Variants in HMOX1 observed in about 807,000 individuals in gnomAD.
The protein encoded by HMOX1 is heat shock protein, 32-kD.
HMOX1 carries 22 observed loss-of-function variants against 27.8 expected under a neutral mutation model. The observed-to-expected ratio is 0.79, with a 90% CI of 0.57 to 1.13. The LOEUF is 1.13. HMOX1 is among the 50% of genes most tolerant of loss of function. The probability of loss-of-function intolerance (pLI) is 0.00; values close to 1 mark genes in which losing one functional copy is unlikely to be tolerated. For missense variants in HMOX1, 379 were observed against 377.7 expected (o/e 1.00, Z -0.03); for synonymous variants, 153 against 151.6 (o/e 1.01, Z -0.07).
intron 3 of HMOX1, among the ~76,000 whole-genome samples, chr22:35,389,516 C>T (rs1229221257): frequency 1.3e-5 from 2 of 150,508 alleles, no homozygotes; most frequent in East Asian, 3.9e-4. Flanking sequence ...GATCTTGGCT[C>T]ACTGCAACCT....
chr22:35,386,759 C>T lies in HMOX1; in HGVS notation c.219C>T (p.Val73=). 3 of 1,614,250 alleles carry T rather than the reference C, an allele frequency of 1.9e-6. No individual in the cohort carries two copies. Among genetic ancestry groups the T allele is most frequent in the Non-Finnish European group, 2.5e-6 (3 of 1,180,042 alleles). ...EEIERNKESP[V]FAPVYFPEEL... is the part of the protein sequence containing the mutation. ...TTGAGCGCAACAAGGAGAGCCCAGT[C>T]TTCGCCCCTGTCTACTTCCCAGAAG... The change falls in exon 3 of 5, where the codon GTC becomes GTT. Residue 73 remains valine, a synonymous_variant. Coordinates refer to ENST00000216117, the MANE Select transcript of HMOX1 (RefSeq NM_002133.3).
intron 4 of HMOX1, chr22:35,390,216 A>G (rs969620186): frequency 2.7e-5 from 14 of 523,590 alleles, no homozygotes; most frequent in African/African-American, 2.5e-4. Flanking sequence ...GCGAGCCACC[A>G]TGCCAGCCTG....
At position 35,386,701 on chromosome 22, in the gene HMOX1, T is replaced by C; in HGVS notation, c.161T>C (p.Leu54Pro). ...TGCTTTCAGCTGGTGATGGCCTCCCTGTACCACATCTATGTGGCCCTGGAG... is the reference window on the plus strand; with the variant it reads ...TGCTTTCAGCTGGTGATGGCCTCCCCGTACCACATCTATGTGGCCCTGGAG... The part of the protein sequence containing the change: ...RDGFKLVMAS[L>P]YHIYVALEEE... The change falls in exon 3 of 5, where the codon CTG becomes CCG. Residue 54 changes from leucine to proline, a missense_variant. Leu to Pro is a moderately conservative substitution (Grantham distance 98). Coordinates refer to ENST00000216117, the MANE Select transcript of HMOX1 (RefSeq NM_002133.3). 5 of 1,614,144 alleles carry C rather than the reference T, an allele frequency of 3.1e-6. No individual in the cohort carries two copies. Among genetic ancestry groups the C allele is most frequent in the African/African-American group, 2.7e-5 (2 of 75,052 alleles).
Position 35,387,164 on chromosome 22 carries a change from G to A in HMOX1, c.624G>A (p.Leu208=), listed in dbSNP as rs138757982. The change falls in exon 3 of 5, where the codon CTG becomes CTA. Residue 208 remains leucine (L), a synonymous_variant. Transcript: ENST00000216117. ...TAGAAGAGGCCAAGACTGCGTTCCT[G>A]CTCAACATCCAGGTGAGGGTCGGGC... The part of the protein sequence containing the change: ...RVIEEAKTAF[L]LNIQLFEELQ... The A allele has an allele frequency of 1.9e-6, 3 of 1,613,484 alleles. No homozygotes were observed. The highest frequency in any genetic ancestry group is 2.5e-6 in the Non-Finnish European group (3 of 1,180,040).
intron 1 of HMOX1, among the ~76,000 whole-genome samples, chr22:35,381,489 G>C (rs1219716534): frequency 2.6e-5 from 4 of 151,898 alleles, no homozygotes; most frequent in East Asian, 3.9e-4. Flanking sequence ...TCCTACTTTC[G>C]AGGTGTGTTT....
chr22:35,387,556 T>A (rs1931540529), intron 3 of HMOX1, among the ~76,000 whole-genome samples: 1 of 152,218 alleles, frequency 6.6e-6, no homozygotes. Flanking sequence ...AAGTTGTGTG[T>A]GCACTAGTGT....
At chr22:35,389,730 C>T (rs1165943138) in intron 3 of HMOX1, 134 bp from the exon 4 acceptor site, 7 of 720,148 alleles carry the variant, frequency 9.7e-6, no homozygotes, top group African/African-American at 1.7e-5. Flanking sequence ...GGCGCACCAC[C>T]GTGTCCGGCC....
rs566260020 is a variant in HMOX1 at position 35,393,753 on chromosome 22, G to A, written c.*155G>A. The A allele has an allele frequency of 1.1e-6, 1 of 927,934 alleles. No homozygotes were observed. Among genetic ancestry groups the A allele is most frequent in the East Asian group, 2.5e-5 (1 of 39,854 alleles). 57.5% of individuals were successfully genotyped at this position (927,934 alleles called of 1,614,324 possible). ...CTGTGTCCCTCTCTCTGGAAAGGAG[G>A]AAGGAGCCTATGGCATCTTCCCCAA... On this transcript the variant is annotated 3_prime_UTR_variant, in exon 5 of 5. Transcript: ENST00000216117.
chr22:35,390,011 G>C (rs1931673907), intron 4 of HMOX1, 48 bp downstream of exon 4: 1 of 1,157,532 alleles, frequency 8.6e-7, no homozygotes, highest in Middle Eastern at 2.7e-4. Context: ...CACATGGAGG[G>C]ACTTGGCTGT....
At chr22:35,392,235 AAAG>A (rs938515037) in intron 4 of HMOX1, among the ~76,000 whole-genome samples, 9 of 151,604 alleles carry the variant, frequency 5.9e-5, no homozygotes, top group South Asian at 2.1e-4. Flanking sequence ...AAAAAAAAAA[AAAG>A]AAAGAAAAGA....
At chr22:35,381,522 A>G (rs1931388169) in intron 1 of HMOX1, among the ~76,000 whole-genome samples, 1 of 151,522 alleles carries the variant, frequency 6.6e-6, no homozygotes. Context: ...TGCTGAATCT[A>G]GATCTCTGGG....
At chr22:35,383,338 C>A in intron 2 of HMOX1, 112 bp downstream of exon 2, 4 of 1,180,212 alleles carry the variant, frequency 3.4e-6, no homozygotes, top group Non-Finnish European at 4.9e-6. Context: ...TGGGCATGTC[C>A]AATAGAATCA....
chr22:35,391,586 CTTT>C (rs56153278), intron 4 of HMOX1, among the ~76,000 whole-genome samples: 1 of 88,986 alleles, frequency 1.1e-5, no homozygotes, highest in Non-Finnish European at 2.0e-5. Flanking sequence ...CGCGCCCGGC[CTTT>C]TTTTTTTTTT....
chr22:35,381,670 T>C (rs1287495697), intron 1 of HMOX1, among the ~76,000 whole-genome samples: 2 of 152,170 alleles, frequency 1.3e-5, no homozygotes, highest in Non-Finnish European at 2.9e-5. Flanking sequence ...GGAGGCGACA[T>C]GCCCAAGAGT....
chr22:35,391,595 T>TTTC (rs1931725214), intron 4 of HMOX1, among the ~76,000 whole-genome samples: 1 of 132,292 alleles, frequency 7.6e-6, no homozygotes, highest in African/African-American at 3.0e-5. Flanking sequence ...CCTTTTTTTT[T>TTTC]TTTTTTTTTT....
rs760556663 is a variant in HMOX1, at chr22:35,386,943, A to T, written c.403A>T (p.Thr135Ser). The change falls in exon 3 of 5, where the codon ACC becomes TCC. Residue 135 changes from threonine (T) to serine (S), a missense_variant. Thr to Ser is a moderately conservative substitution (Grantham distance 58, BLOSUM62 1). Coordinates refer to ENST00000216117, the MANE Select transcript of HMOX1 (RefSeq NM_002133.3). ...CGAGCTGCTGGTGGCCCACGCCTAC[A>T]CCCGCTACCTGGGTGACCTGTCTGG... ...EPELLVAHAY[T>S]RYLGDLSGGQ... 1 of 1,614,050 alleles carries T rather than the reference A, an allele frequency of 6.2e-7. No individual in the cohort carries two copies. Among genetic ancestry groups the T allele is most frequent in the South Asian group, 1.1e-5 (1 of 91,088 alleles).
chr22:35,384,479 C>A (rs1355131677), intron 2 of HMOX1, among the ~76,000 whole-genome samples: 1 of 152,016 alleles, frequency 6.6e-6, no homozygotes, highest in Non-Finnish European at 1.5e-5. Context: ...TCCCCTCTCC[C>A]TTAAAAAGAT....
rs560944811 is a variant in HMOX1, at chr22:35,391,173, C to A, written c.736+1210C>A. Among the ~76,000 whole-genome samples the A allele has an allele frequency of 3.9e-5, 6 of 152,260 alleles. No individual in the cohort carries two copies. In the East Asian group the frequency reaches 5.8e-4, roughly 15 times the overall value. Reference sequence around the variant, plus strand: ...TATTTGGTGGGGTAGGGAGACGTCACCCTAATGAAGCAGTTCTCAAAGTGT... The same window carrying A: ...TATTTGGTGGGGTAGGGAGACGTCAACCTAATGAAGCAGTTCTCAAAGTGT... On this transcript the variant is annotated intron_variant, in intron 4 of 4. Coordinates refer to ENST00000216117, the MANE Select transcript of HMOX1 (RefSeq NM_002133.3).
In HMOX1 at chr22:35,393,782, A is replaced by G. The variant is rs1297196577; in HGVS notation, c.*184A>G. 5.5e-6 allele frequency: 4 copies of G among 729,010 alleles called. No individual in the cohort carries two copies. Among genetic ancestry groups the G allele is most frequent in the African/African-American group, 1.8e-5 (1 of 56,900 alleles). 45.2% of individuals were successfully genotyped at this position (729,010 alleles called of 1,614,324 possible). ...GAGCCTATGGCATCTTCCCCAACGA[A>G]AAGCACATCCAGGCAATGGCCTAAA... is the stretch of plus-strand genomic sequence containing the variant. On this transcript the variant is annotated 3_prime_UTR_variant, in exon 5 of 5. Coordinates refer to ENST00000216117, the MANE Select transcript of HMOX1 (RefSeq NM_002133.3).
Sources: gnomAD v4.1 joint callset for allele counts (sites outside exome capture counted in the v4.1 genomes callset) on GRCh38, gnomAD v4.1.1 for gene constraint, MANE v1.5 for transcripts, NCBI Gene and HGNC (gene_info 2026-07-23, HGNC 2026-07-21) for gene names.